The following BAIAP2L1 variants were observed in gnomAD, a reference collection of about 807,000 sequenced individuals.
The protein encoded by BAIAP2L1 is BAR/IMD domain containing adaptor protein 2 like 1, also known as BAR/IMD domain-containing adapter protein 2-like 1.
In BAIAP2L1, 35 loss-of-function variants were observed where a neutral mutation model predicts 66.3. The observed-to-expected ratio is 0.53, with a 90% confidence interval of 0.40 to 0.70. BAIAP2L1 has a LOEUF of 0.70. Among genes scored for constraint, BAIAP2L1 ranks in the 30% least tolerant of loss-of-function variants. The probability of loss-of-function intolerance (pLI) is 0.00; values close to 1 mark genes in which losing one functional copy is unlikely to be tolerated. For missense variants in BAIAP2L1, 622 were observed against 656.9 expected, an observed-to-expected ratio of 0.95 and a Z score of 0.58; for synonymous variants, 269 against 248.7, an observed-to-expected ratio of 1.08 and a Z score of -0.77.
chr7:98,375,948 A>AT (rs906543325), intron 1 of BAIAP2L1, among the ~76,000 whole-genome samples: 1 of 152,118 alleles, frequency 6.6e-6, no homozygotes, highest in African/African-American at 2.4e-5. Flanking sequence ...GATATTTTAT[A>AT]TTTTCACACA....
intron 3 of BAIAP2L1, among the ~76,000 whole-genome samples, chr7:98,341,627 G>A (rs745616804): frequency 6.6e-5 from 10 of 152,154 alleles, no homozygotes; most frequent in Non-Finnish European, 1.3e-4. Context: ...CAATGAACCA[G>A]CCACTGACCA....
rs757083747 is a variant in BAIAP2L1, at chr7:98,310,562, A to G, written c.838T>C (p.Cys280Arg). ...GGAGCGGGGGGCATCTTTGGTGAGC[A>G]TTTAGAAAGGGTGTCGTAATCTTTC... Reference protein sequence around the residue: ...VRKDYDTLSKCSPKMPPAPSG... With the variant: ...VRKDYDTLSKRSPKMPPAPSG... The change falls in exon 9 of 14, where the codon TGC becomes CGC. Residue 280 changes from cysteine to arginine, a missense_variant. Transcript: ENST00000005260. 6.3e-7 allele frequency: 1 copy of G among 1,592,036 alleles called. No homozygotes were observed. The highest frequency in any genetic ancestry group is 8.5e-7 in the Non-Finnish European group (1 of 1,173,868).
chr7:98,315,107 A>G (rs1355490569), intron 7 of BAIAP2L1, among the ~76,000 whole-genome samples: 1 of 152,104 alleles, frequency 6.6e-6, no homozygotes, highest in Non-Finnish European at 1.5e-5. Flanking sequence ...AGTGGCGTGC[A>G]TGTGTGTATA....
chr7:98,327,356 GTAAATAAATAAA>G lies in BAIAP2L1; in HGVS notation c.215-7070_215-7059del, dbSNP rs57971788. On this transcript the variant is annotated intron_variant, in intron 3 of 13. Coordinates refer to ENST00000005260, the MANE Select transcript of BAIAP2L1 (RefSeq NM_018842.5). ...AGCCTAGGCAACAGAGCAAGACCTTGTAAATAAATAAATAAATAAATAAATAAATAAATAAAG... is the reference window on the plus strand; with the variant it reads ...AGCCTAGGCAACAGAGCAAGACCTTGTAAATAAATAAATAAATAAATAAAG... Among the ~76,000 whole-genome samples, 63 of 142,404 alleles carry G rather than the reference GTAAATAAATAAA, an allele frequency of 4.4e-4. 1 individual carries two copies. Among genetic ancestry groups the G allele is most frequent in the East Asian group, 1.9e-3 (9 of 4,774 alleles). 93.4% of individuals were successfully genotyped at this position (142,404 alleles called of 152,430 possible).
At chr7:98,357,437 C>G (rs1432264773) in intron 2 of BAIAP2L1, among the ~76,000 whole-genome samples, 1 of 151,164 alleles carries the variant, frequency 6.6e-6, no homozygotes, top group Non-Finnish European at 1.5e-5. Context: ...CATGGTGGCA[C>G]ATGCTTGTAA....
At chr7:98,370,331 G>A (rs996443915) in intron 1 of BAIAP2L1, among the ~76,000 whole-genome samples, 1 of 126,112 alleles carries the variant, frequency 7.9e-6, no homozygotes. Flanking sequence ...CTGAGATTGC[G>A]CCACTGCACT....
chr7:98,339,101 G>A (rs1238070722), intron 3 of BAIAP2L1, among the ~76,000 whole-genome samples: 1 of 150,366 alleles, frequency 6.7e-6, no homozygotes, highest in Non-Finnish European at 1.5e-5. Flanking sequence ...AAGACTTTGT[G>A]TGGGCATATG....
chr7:98,307,799 A>G lies in BAIAP2L1; in HGVS notation c.1053T>C (p.Thr351=). ...KQKVKTIFPH[T]AGSNKTLLSF... is the part of the protein sequence containing the mutation. ...TGAGTAAGGTCTTGTTGGAGCCCGC[A>G]GTGTGCGGGAAGATGGTCTTCACTT... Residue 351 remains threonine, a synonymous_variant, in exon 10 of 14, where the codon ACT becomes ACC. Coordinates refer to ENST00000005260, the MANE Select transcript of BAIAP2L1 (RefSeq NM_018842.5). 1 of 1,614,250 alleles carries G rather than the reference A, an allele frequency of 6.2e-7. No individual in the cohort carries two copies. Among genetic ancestry groups the G allele is most frequent in the Non-Finnish European group, 8.5e-7 (1 of 1,180,050 alleles).
chr7:98,293,406 T>TA lies in BAIAP2L1; in HGVS notation c.*114dup. ...CATGATTTGCTTAAGCAGGCGACAT[T>TA]AGAGTTAGGCCTCTCCACTGAAGCT... On this transcript the variant is annotated 3_prime_UTR_variant, in exon 14 of 14. Transcript: ENST00000005260. The TA allele has an allele frequency of 2.1e-6, 2 of 939,062 alleles. No individual in the cohort carries two copies. The highest frequency in any genetic ancestry group is 3.3e-6 in the Non-Finnish European group (2 of 601,362). The allele number at this position is 939,062 out of a possible 1,614,324, so 58.2% of individuals were successfully genotyped here. A position where few individuals can be genotyped will look rare whatever the true frequency, so the allele number is the denominator to read the frequency against.
At chr7:98,365,013 A>AAAAAAAG (rs1802361835) in intron 1 of BAIAP2L1, among the ~76,000 whole-genome samples, 1 of 149,052 alleles carries the variant, frequency 6.7e-6, no homozygotes, top group Admixed American at 6.7e-5. Context: ...AAAAAAAAAA[A>AAAAAAAG]AAAAAAGAGC....
At chr7:98,378,504 C>A (rs1475453541) in intron 1 of BAIAP2L1, among the ~76,000 whole-genome samples, 2 of 152,224 alleles carry the variant, frequency 1.3e-5, no homozygotes, top group Non-Finnish European at 2.9e-5. Flanking sequence ...ACCTCTTCCA[C>A]AAATGGTGGC....
chr7:98,295,875 G>C (rs1358469357), intron 12 of BAIAP2L1, among the ~76,000 whole-genome samples: 1 of 152,176 alleles, frequency 6.6e-6, no homozygotes, highest in Non-Finnish European at 1.5e-5. Context: ...CCTGCCAGGA[G>C]GACTGAGGAG....
chr7:98,393,018 TACATACACAC>T (rs1562795707), intron 1 of BAIAP2L1, among the ~76,000 whole-genome samples: 2 of 137,150 alleles, frequency 1.5e-5, no homozygotes, highest in Admixed American at 7.3e-5. Flanking sequence ...TGTATATATA[TACATACACAC>T]ATATATATAC....
intron 7 of BAIAP2L1, among the ~76,000 whole-genome samples, chr7:98,314,346 C>A (rs79274589): frequency 0.024 from 3,699 of 152,168 alleles, 149 homozygotes; most frequent in African/African-American, 0.085. Context: ...CATACAAGGC[C>A]AAAGTATTTT....
At chr7:98,366,497 G>A (rs958117612) in intron 1 of BAIAP2L1, among the ~76,000 whole-genome samples, 20 of 152,148 alleles carry the variant, frequency 1.3e-4, no homozygotes, top group Non-Finnish European at 2.1e-4. Flanking sequence ...CAGGCTCTCT[G>A]AGGTCACTGA....
intron 3 of BAIAP2L1, among the ~76,000 whole-genome samples, chr7:98,343,735 T>A (rs368023666): frequency 6.6e-6 from 1 of 152,214 alleles, no homozygotes; most frequent in African/African-American, 2.4e-5. Context: ...AGCAACTGTA[T>A]GACACAAGAG....
intron 3 of BAIAP2L1, among the ~76,000 whole-genome samples, chr7:98,339,891 C>A (rs111301129): frequency 6.6e-6 from 1 of 152,186 alleles, no homozygotes; most frequent in East Asian, 1.9e-4. Flanking sequence ...AGAGGCACAG[C>A]CCCAGGTCCT....
At chr7:98,327,912 C>A (rs1317658047) in intron 3 of BAIAP2L1, among the ~76,000 whole-genome samples, 1 of 152,042 alleles carries the variant, frequency 6.6e-6, no homozygotes, top group African/African-American at 2.4e-5. Flanking sequence ...TAACGCTTTG[C>A]TTAACAGTAA....
rs76866009 is a variant in BAIAP2L1, at chr7:98,341,591, A to T, written c.214+13451T>A. On this transcript the variant is annotated intron_variant, in intron 3 of 13. Coordinates refer to ENST00000005260, the MANE Select transcript of BAIAP2L1 (RefSeq NM_018842.5). ...GAAAATTAAGTTGGCAGACTAGGTC[A>T]TATACCTGGTAGGTAGCCTGGGGTC... Among the ~76,000 whole-genome samples the T allele has an allele frequency of 5.6e-3, 860 of 152,330 alleles. 10 individuals are homozygous for T. Among genetic ancestry groups the T allele is most frequent in the African/African-American group, 0.02 (831 of 41,572 alleles).
Sources: allele counts gnomAD v4.1 joint callset (sites outside exome capture counted in the v4.1 genomes callset), GRCh38; gene constraint gnomAD v4.1.1; transcripts MANE v1.5; gene names NCBI Gene and HGNC (gene_info 2026-07-23, HGNC 2026-07-21).